The following OFD1 variants were observed in gnomAD, a reference collection of about 807,000 sequenced individuals.
OFD1 encodes the protein centriole and centriolar satellite protein OFD1.
OFD1 carries 12 observed loss-of-function variants against 81.4 expected under a neutral mutation model. The observed-to-expected ratio is 0.15, with a 90% CI of 0.09 to 0.24. The LOEUF is 0.24. OFD1 is among the 10% of genes least tolerant of loss of function. OFD1 has a pLI of 1.00. For synonymous variants in OFD1, 256 were observed against 263.7 expected (o/e 0.97, Z 0.28); for missense variants, 685 against 733.9 (o/e 0.93, Z 0.77).
intron 15 of OFD1, among the ~76,000 whole-genome samples, chrX:13,759,826 C>T (rs930946834): frequency 3.6e-5 from 4 of 112,144 alleles, no homozygotes; most frequent in Non-Finnish European, 5.6e-5. Context: ...GGCTTTGCCA[C>T]CAAATAAATT....
chrX:13,719,860 T>G, the OFD1 span: 1 of 1,144,947 alleles, frequency 8.7e-7, no homozygotes, highest in African/African-American at 1.8e-5. Context: ...AGCATAAAAA[T>G]TCTTACGTAC....
chrX:13,747,088 A>C (rs897742064), intron 8 of OFD1, 135 bp downstream of exon 8: 2 of 588,844 alleles, frequency 3.4e-6, no homozygotes, highest in Admixed American at 5.3e-5. Context: ...CCAAGAGTGC[A>C]AATAGAAGGA....
In OFD1 at chrX:13,761,111, C is replaced by T; in HGVS notation, c.2287C>T (p.Pro763Ser). The T allele has an allele frequency of 8.3e-7, 1 of 1,211,236 alleles. No individual in the cohort carries two copies. The highest frequency in any genetic ancestry group is 1.1e-6 in the Non-Finnish European group (1 of 895,154). The part of the protein sequence containing the change: ...EGLGRSHIAS[P>S]SPCPDRMPLP... ...TCTGGGCAGATCACACATTGCTTCC[C>T]CCAGTCCTTGTCCTGACAGAATGCC... is the stretch of plus-strand genomic sequence containing the variant. The change falls in exon 17 of 23, where the codon CCC becomes TCC. Residue 763 changes from proline to serine, a missense_variant. Physicochemically the swap from Pro to Ser is moderately conservative, Grantham distance 74 (BLOSUM62 -1). Around this residue, in one of 3 missense-constraint regions of OFD1, gnomAD observed 259 missense variants for 254.4 expected, o/e 1.02. Transcript: ENST00000340096.
chrX:13,762,426 T>A lies in OFD1; in HGVS notation c.2470T>A (p.Phe824Ile). ...DKLAFKDNEE[F>I]ESSFESAGNM... ...GCTAGCTTTTAAGGATAATGAGGAG[T>A]TTGAATCATCTTTTGAATGTAAGTT... Residue 824 changes from phenylalanine to isoleucine, a missense_variant, in exon 18 of 23, where the codon TTT becomes ATT. Phe to Ile is a conservative substitution (Grantham distance 21, BLOSUM62 0). Around this residue, in one of 3 missense-constraint regions of OFD1, gnomAD observed 259 missense variants for 254.4 expected, o/e 1.02. Coordinates refer to ENST00000340096, the MANE Select transcript of OFD1 (RefSeq NM_003611.3). The A allele has an allele frequency of 8.6e-7, 1 of 1,158,795 alleles. No individual in the cohort carries two copies. The highest frequency in any genetic ancestry group is 1.8e-5 in the South Asian group (1 of 55,319).
chrX:13,757,051 C>T (rs189960183), intron 13 of OFD1, among the ~76,000 whole-genome samples: 163 of 111,376 alleles, frequency 1.5e-3, no homozygotes, highest in Non-Finnish European at 2.6e-3. Context: ...GCCATAGTGC[C>T]TGCGATTACC....
chrX:13,761,290 A>ATTT (rs112117780), intron 17 of OFD1, 79 bp downstream of exon 17: 89 of 859,027 alleles, frequency 1.0e-4, no homozygotes, highest in East Asian at 4.2e-4. Context: ...TTTTACTGGG[A>ATTT]TTTTTTTTTT....
At chrX:13,719,831 T>A in the OFD1 span, 1 of 957,783 alleles carries the variant, frequency 1.0e-6, no homozygotes, top group Non-Finnish European at 1.5e-6. Flanking sequence ...AAAATCATAT[T>A]ATACCATATC....
chrX:13,767,377 C>T (rs1207322374), intron 20 of OFD1, 93 bp downstream of exon 20: 1 of 973,623 alleles, frequency 1.0e-6, no homozygotes, highest in East Asian at 3.1e-5. Flanking sequence ...AATTGGTGTA[C>T]AAAGTCAGAG....
At position 13,768,014 on chromosome X, in the gene OFD1, A is replaced by C. The variant is rs778088822; in HGVS notation, c.2758-40A>C. The C allele has an allele frequency of 5.3e-6, 6 of 1,141,762 alleles. No homozygotes were observed. The East Asian group carries it at 1.8e-4, about 34-fold the overall frequency. The allele number at this position is 1,141,762 out of a possible 1,213,427, so 94.1% of individuals were successfully genotyped here. A position where few individuals can be genotyped will look rare whatever the true frequency, so the allele number is the denominator to read the frequency against. On this transcript the variant is annotated intron_variant, in intron 20 of 22. Transcript: ENST00000340096. ...TTTAAAACACTTAAAAGTTTTACAA[A>C]TGTATTTGTGTATTTTCTGTTTTGG...
the OFD1 span, chrX:13,716,747 C>T: frequency 2.7e-6 from 3 of 1,114,306 alleles, no homozygotes; most frequent in Non-Finnish European, 3.7e-6. Flanking sequence ...ACATTTCATT[C>T]TGTAAATTCT....
At chrX:13,752,897 A>G in intron 10 of OFD1, 1 of 936,959 alleles carries the variant, frequency 1.1e-6, no homozygotes, top group Non-Finnish European at 1.4e-6. Context: ...TCCGGATATA[A>G]TGCTCTTGGC....
chrX:13,755,074 C>T, intron 11 of OFD1, 77 bp from the exon 12 acceptor site: 3 of 702,395 alleles, frequency 4.3e-6, no homozygotes, highest in Non-Finnish European at 6.9e-6. Flanking sequence ...GTCTGACATA[C>T]TGGCCATAAA....
At chrX:13,749,121 C>CAAA (rs35839446) in intron 8 of OFD1, among the ~76,000 whole-genome samples, 7 of 69,027 alleles carry the variant, frequency 1.0e-4, no homozygotes, top group African/African-American at 1.6e-4. Flanking sequence ...GACCCTGTCT[C>CAAA]AAAAAAAAAA....
intron 10 of OFD1, 119 bp downstream of exon 10, chrX:13,751,487 CAT>C: frequency 9.1e-6 from 5 of 548,959 alleles, no homozygotes; most frequent in South Asian, 3.0e-5. Flanking sequence ...AAAAAAAAAA[CAT>C]AGTTTTATCG....
chrX:13,739,895 C>T (rs2047023561), intron 5 of OFD1: 2 of 752,642 alleles, frequency 2.7e-6, no homozygotes, highest in Admixed American at 8.7e-5. Flanking sequence ...CATAAGCTGG[C>T]AACTTGGCTT....
chrX:13,769,075 C>G lies in OFD1; in HGVS notation c.3006C>G (p.Gly1002=). ...TCTTTCCCTAATTTAGTTTAACAGG[C>G]TTTTCTCATGAAGAACTAGACGACT... ...QSSDKVESLT[G]FSHEELDDSW Residue 1002 remains glycine, a synonymous_variant, in exon 23 of 23, where the codon GGC becomes GGG. Coordinates refer to ENST00000340096, the MANE Select transcript of OFD1 (RefSeq NM_003611.3). 1 of 1,192,012 alleles carries G rather than the reference C, an allele frequency of 8.4e-7. No individual in the cohort carries two copies. The highest frequency in any genetic ancestry group is 2.3e-4 in the Middle Eastern group (1 of 4,292).
At chrX:13,749,091 C>G (rs1033228434) in intron 8 of OFD1, among the ~76,000 whole-genome samples, 9 of 99,244 alleles carry the variant, frequency 9.1e-5, no homozygotes, top group African/African-American at 3.4e-4. Flanking sequence ...CACTGCACTC[C>G]AGCCTGTGTG....
At position 13,756,770 on chromosome X, in the gene OFD1, A is replaced by G. The variant is rs774500365; in HGVS notation, c.1411+3A>G. ...TGAAAACCTGCGTCTCCTAAACCGT[A>G]TGTATTTTTCTTTTCTTCTGACTTG... On this transcript the variant is annotated splice_donor_region_variant and intron_variant, in intron 13 of 22. Transcript: ENST00000340096. The G allele has an allele frequency of 2.5e-6, 3 of 1,187,944 alleles. No individual in the cohort carries two copies. The highest frequency in any genetic ancestry group is 3.4e-6 in the Non-Finnish European group (3 of 874,680).
At chrX:13,753,180 A>G in intron 10 of OFD1, 188 bp from the exon 11 acceptor site, 2 of 1,055,823 alleles carry the variant, frequency 1.9e-6, no homozygotes, top group Non-Finnish European at 1.2e-6. Context: ...GGATCAAGGA[A>G]GGGTTTTACT....
Sources: allele counts gnomAD v4.1 joint callset (sites outside exome capture counted in the v4.1 genomes callset), GRCh38; gene constraint gnomAD v4.1.1; regional missense constraint gnomAD v4.1.1; transcripts MANE v1.5; gene names NCBI Gene and HGNC (gene_info 2026-07-23, HGNC 2026-07-21).